TTC7A: variants seen among roughly 807,000 people sequenced by gnomAD.
TTC7A encodes tetratricopeptide repeat domain 7A, also known as tetratricopeptide repeat protein 7A.
In TTC7A, 110 loss-of-function variants were observed where a neutral mutation model predicts 103.7. The ratio of observed to expected loss-of-function variants is 1.06; its 90% CI spans 0.91 to 1.24. The LOEUF is 1.24. TTC7A is among the 50% of genes most tolerant of loss of function. The pLI is 0.00. For synonymous variants in TTC7A, 521 were observed against 467.9 expected, an observed-to-expected ratio of 1.11 and a Z score of -1.47; for missense variants, 1,340 against 1,116.3, an observed-to-expected ratio of 1.20 and a Z score of -2.86.
At position 46,994,368 on chromosome 2, in the gene TTC7A, G is replaced by A. The variant is rs764575182; in HGVS notation, c.855G>A (p.Lys285=). ...ATQNFKVMAA[K]HLAGVLLHSL... ...TCCCTCTCTGCCAGATGGCGGCCAAGCACCTGGCGGGGGTCCTGCTGCACT... is the reference window on the plus strand; with the variant it reads ...TCCCTCTCTGCCAGATGGCGGCCAAACACCTGGCGGGGGTCCTGCTGCACT... The change falls in exon 7 of 20, where the codon AAG becomes AAA. Residue 285 remains lysine, a synonymous_variant. Coordinates refer to ENST00000319190, the MANE Select transcript of TTC7A (RefSeq NM_020458.4). The A allele has an allele frequency of 1.2e-6, 2 of 1,612,690 alleles. No homozygotes were observed. The highest frequency in any genetic ancestry group is 8.5e-7 in the Non-Finnish European group (1 of 1,179,278).
intron 11 of TTC7A, among the ~76,000 whole-genome samples, chr2:47,016,266 C>T (rs1678645695): frequency 6.6e-6 from 1 of 152,144 alleles, no homozygotes; most frequent in African/African-American, 2.4e-5. Context: ...GCATCCTTTT[C>T]CAAAGGGTCA....
At position 46,941,814 on chromosome 2, in the gene TTC7A, G is replaced by A; in HGVS notation, c.184+89G>A. On this transcript the variant is annotated intron_variant, in intron 1 of 19. Coordinates refer to ENST00000319190, the MANE Select transcript of TTC7A (RefSeq NM_020458.4). The surrounding 1 kb of genome is among the most constrained non-coding windows in gnomAD (Gnocchi z 4.2). ...AAGCGCGCCCAGACAGTCCTCGGCC[G>A]ACAGCGGGCGCCTGCCAGCCCACCG... 3 of 1,495,070 alleles carry A rather than the reference G, an allele frequency of 2.0e-6. No homozygotes were observed. Among genetic ancestry groups the A allele is most frequent in the South Asian group, 2.5e-5 (2 of 80,040 alleles). 92.6% of individuals were successfully genotyped at this position (1,495,070 alleles called of 1,614,324 possible).
chr2:46,944,727 G>C (rs1447612635), intron 1 of TTC7A, among the ~76,000 whole-genome samples: 2 of 152,144 alleles, frequency 1.3e-5, no homozygotes, highest in Admixed American at 1.3e-4. Context: ...TTTTTGTAGA[G>C]ATGGGGTCTT....
At chr2:46,946,504 G>A (rs1038190619) in intron 1 of TTC7A, among the ~76,000 whole-genome samples, 5 of 152,074 alleles carry the variant, frequency 3.3e-5, no homozygotes, top group African/African-American at 9.7e-5. Flanking sequence ...GCTCCCTACA[G>A]CGTTGAACTC....
intron 15 of TTC7A, chr2:47,045,711 C>G (rs1270100614): frequency 6.6e-6 from 1 of 152,412 alleles, no homozygotes; most frequent in Non-Finnish European, 1.5e-5. Flanking sequence ...CTTTGTGTAT[C>G]TCCAGGGTCA....
In TTC7A at chr2:47,021,409, C is replaced by G. The variant is rs74613802; in HGVS notation, c.1393-453C>G. Among the ~76,000 whole-genome samples the G allele has an allele frequency of 3.2e-3, 485 of 152,342 alleles. 6 individuals are homozygous for G. Among genetic ancestry groups the G allele is most frequent in the African/African-American group, 0.011 (454 of 41,584 alleles). On this transcript the variant is annotated intron_variant, in intron 11 of 19. Transcript: ENST00000319190. ...GTCCCTCCTGCTTCCAGGACAAAAACAGCCCCAGGCCTTTTTCCCCTGAAA... is the reference window on the plus strand; with the variant it reads ...GTCCCTCCTGCTTCCAGGACAAAAAGAGCCCCAGGCCTTTTTCCCCTGAAA...
intron 1 of TTC7A, among the ~76,000 whole-genome samples, chr2:46,942,955 GA>G (rs996039975): frequency 1.3e-5 from 2 of 152,086 alleles, no homozygotes; most frequent in African/African-American, 4.8e-5. Context: ...ACCCAGGCTG[GA>G]GTGTAATAGT....
At chr2:46,964,934 G>T (rs186964962) in intron 3 of TTC7A, among the ~76,000 whole-genome samples, 1 of 152,302 alleles carries the variant, frequency 6.6e-6, no homozygotes, top group East Asian at 1.9e-4. Context: ...TTGAGAATGG[G>T]TCCTGCCCCC....
chr2:47,046,398 T>C lies in TTC7A; in HGVS notation c.1886T>C (p.Leu629Pro). The part of the protein sequence containing the change: ...ALVTCRQVLR[L>P]WQTLYSFSQL... ...GTGACCTGCAGACAAGTGCTGAGGC[T>C]GTGGCAGACCCTGTACAGCTTCTCC... The change falls in exon 16 of 20, where the codon CTG becomes CCG. Residue 629 changes from leucine (L) to proline (P), a missense_variant. Physicochemically the swap from Leu to Pro is moderately conservative, Grantham distance 98. Transcript: ENST00000319190. The C allele has an allele frequency of 6.2e-7, 1 of 1,614,204 alleles. No homozygotes were observed. Among genetic ancestry groups the C allele is most frequent in the African/African-American group, 1.3e-5 (1 of 75,058 alleles).
chr2:46,941,037 C>CGGCGGG (rs1239990361), upstream of TTC7A: 1 of 151,092 alleles, frequency 6.6e-6, no homozygotes. The surrounding 1 kb of genome is among the most constrained non-coding windows in gnomAD (Gnocchi z 4.2). Flanking sequence ...TCCGACTCCG[C>CGGCGGG]GGCGGGGGCG....
At position 47,051,806 on chromosome 2, in the gene TTC7A, C is replaced by G. The variant is rs1283671831; in HGVS notation, c.2078C>G (p.Thr693Ser). The G allele has an allele frequency of 3.7e-6, 6 of 1,612,028 alleles. No individual in the cohort carries two copies. The East Asian group carries it at 1.1e-4, about 30-fold the overall frequency. The change falls in exon 18 of 20, where the codon ACT becomes AGT. Residue 693 changes from threonine (T) to serine (S), a missense_variant. Transcript: ENST00000319190. ...CTGGAGGAGGCCATGTCAGAGCTGA[C>G]TATGCCCTCTTCGGTCCTGAAGCAG... is the stretch of plus-strand genomic sequence containing the variant. ...SRLEEAMSEL[T>S]MPSSVLKQGP...
intron 18 of TTC7A, among the ~76,000 whole-genome samples, chr2:47,056,858 C>A (rs1475257605): frequency 6.6e-6 from 1 of 152,092 alleles, no homozygotes; most frequent in Non-Finnish European, 1.5e-5. Flanking sequence ...TGGAGGGGCC[C>A]CTTGACGCTG....
At chr2:47,069,104 G>A (rs375175549) in intron 19 of TTC7A, among the ~76,000 whole-genome samples, 43 of 152,218 alleles carry the variant, frequency 2.8e-4, no homozygotes, top group African/African-American at 1.0e-3. Flanking sequence ...GACTGACCTG[G>A]AGGGCTGGGC....
intron 10 of TTC7A, among the ~76,000 whole-genome samples, chr2:47,009,094 T>C (rs1161037211): frequency 6.6e-6 from 1 of 152,056 alleles, no homozygotes; most frequent in Non-Finnish European, 1.5e-5. Flanking sequence ...GCCTGAGGCT[T>C]GCTGGGGTGT....
upstream of TTC7A, among the ~76,000 whole-genome samples, chr2:46,940,507 TA>T (rs1321494366): frequency 6.6e-6 from 1 of 152,190 alleles, no homozygotes; most frequent in African/African-American, 2.4e-5. The surrounding 1 kb of genome is among the most constrained non-coding windows in gnomAD (Gnocchi z 4.7). Context: ...AGCCCTGGGC[TA>T]AACCCTGCTA....
intron 18 of TTC7A, among the ~76,000 whole-genome samples, chr2:47,057,076 C>G (rs1166615676): frequency 6.6e-6 from 1 of 152,240 alleles, no homozygotes; most frequent in Non-Finnish European, 1.5e-5. Flanking sequence ...TGCGGCGCCC[C>G]AGGGCTACTG....
chr2:46,928,066 A>G (rs1240329623), intron 2 of TTC7A, among the ~76,000 whole-genome samples: 1 of 150,932 alleles, frequency 6.6e-6, no homozygotes, highest in Non-Finnish European at 1.5e-5. Context: ...TAGTTTTTGC[A>G]TTTTTTGTAG....
At chr2:46,920,705 T>C (rs1669060550) in intron 2 of TTC7A, among the ~76,000 whole-genome samples, 1 of 151,784 alleles carries the variant, frequency 6.6e-6, no homozygotes, top group Non-Finnish European at 1.5e-5. Context: ...TGACATCCCA[T>C]ATCTCTTGAA....
intron 4 of TTC7A, 121 bp downstream of exon 4, chr2:46,975,224 C>T: frequency 7.7e-7 from 1 of 1,293,926 alleles, no homozygotes; most frequent in Non-Finnish European, 1.1e-6. Flanking sequence ...CTCTGTCCCC[C>T]AAAGACACTC....
Sources: gnomAD v4.1 joint callset for allele counts (sites outside exome capture counted in the v4.1 genomes callset) on GRCh38, gnomAD v4.1.1 for gene constraint, Gnocchi (gnomAD v3.1) non-coding constraint, MANE v1.5 for transcripts, NCBI Gene and HGNC (gene_info 2026-07-23, HGNC 2026-07-21) for gene names.